Variants in TNRC6C observed in about 807,000 individuals in gnomAD.
TNRC6C encodes trinucleotide repeat-containing gene 6C protein.
In TNRC6C, 20 loss-of-function variants were observed where a neutral mutation model predicts 153.7. The ratio of observed to expected loss-of-function variants is 0.13; its 90% CI spans 0.09 to 0.19. TNRC6C has a LOEUF of 0.19. TNRC6C is among the 10% of genes least tolerant of loss of function. TNRC6C has a pLI of 1.00. For synonymous variants in TNRC6C, 811 were observed against 841.4 expected (o/e 0.96, Z 0.63); for missense variants, 1,987 against 2,172.0 (o/e 0.91, Z 1.69).
At chr17:78,097,935 C>G in intron 16 of TNRC6C, 74 bp downstream of exon 19, 1 of 1,218,674 alleles carries the variant, frequency 8.2e-7, no homozygotes, top group Non-Finnish European at 1.1e-6. Flanking sequence ...CAGGCCCCAG[C>G]TTTTCCTATT....
At chr17:78,090,605 T>A (rs1400518167) in intron 13 of TNRC6C, among the ~76,000 whole-genome samples, 1 of 152,158 alleles carries the variant, frequency 6.6e-6, no homozygotes, top group East Asian at 1.9e-4. Context: ...CATCAGAAAC[T>A]CTTTACTTCA....
chr17:77,961,064 TTTA>T (rs1483531173), intron 1 of TNRC6C, among the ~76,000 whole-genome samples: 1 of 152,140 alleles, frequency 6.6e-6, no homozygotes, highest in Non-Finnish European at 1.5e-5. Flanking sequence ...CACACTCGTT[TTTA>T]TTATAAGGAT....
chr17:77,980,027 A>G (rs2071052312), intron 1 of TNRC6C, among the ~76,000 whole-genome samples: 1 of 149,596 alleles, frequency 6.7e-6, no homozygotes. Context: ...AAAAATTAGA[A>G]TTCATCACCA....
At chr17:78,038,319 G>A (rs1396499428) in intron 2 of TNRC6C, among the ~76,000 whole-genome samples, 1 of 152,134 alleles carries the variant, frequency 6.6e-6, no homozygotes, top group Non-Finnish European at 1.5e-5. Context: ...AGAAGAATGG[G>A]CAAAGAATGT....
chr17:78,104,923 G>A lies in TNRC6C; in HGVS notation c.*78G>A. 1 of 1,358,672 alleles carries A rather than the reference G, an allele frequency of 7.4e-7. No individual in the cohort carries two copies. The highest frequency in any genetic ancestry group is 1.8e-5 in the South Asian group (1 of 55,622). The allele number at this position is 1,358,672 out of a possible 1,614,324, so 84.2% of individuals were successfully genotyped here. On this transcript the variant is annotated 3_prime_UTR_variant, in exon 20 of 20. Transcript: ENST00000301624. The surrounding 1 kb of genome is among the most constrained non-coding windows in gnomAD (Gnocchi z 6.2). The stretch of plus-strand genomic sequence containing the variant: ...GCTGGGCGGCCCCACAGACCCGCTG[G>A]AACCCAGCAGCGGCCGCCCTTTTGA...
chr17:77,977,697 T>G (rs1456991096), intron 1 of TNRC6C, among the ~76,000 whole-genome samples: 1 of 152,142 alleles, frequency 6.6e-6, no homozygotes, highest in African/African-American at 2.4e-5. Flanking sequence ...ATATTTACTA[T>G]GTAAATTGCC....
At chr17:78,071,459 C>T (rs1334665550) in intron 6 of TNRC6C, among the ~76,000 whole-genome samples, 3 of 152,074 alleles carry the variant, frequency 2.0e-5, no homozygotes, top group African/African-American at 7.2e-5. Context: ...GCTCTGGCAC[C>T]TAGGCTGCAG....
chr17:78,029,127 G>T (rs911041866), intron 1 of TNRC6C, among the ~76,000 whole-genome samples: 1 of 152,026 alleles, frequency 6.6e-6, no homozygotes, highest in African/African-American at 2.4e-5. Context: ...TTCATTATTC[G>T]CACAGTAGGC....
intron 1 of TNRC6C, among the ~76,000 whole-genome samples, chr17:78,029,919 G>A (rs982969004): frequency 6.6e-6 from 1 of 151,870 alleles, no homozygotes; most frequent in African/African-American, 2.4e-5. Context: ...AAGATAACAT[G>A]CATGGAGGTT....
rs759578064 is a variant in TNRC6C, at chr17:78,049,660, A to T, written c.598A>T (p.Met200Leu). ...CTCTTCACCCAACCCTATCAATGCA[A>T]TGCAGACAAATGGACTGCCAAACTG... is the stretch of plus-strand genomic sequence containing the variant. The change falls in exon 3 of 20, where the codon ATG (methionine) becomes TTG (leucine). Residue 200 changes from methionine to leucine, a missense_variant. Transcript: ENST00000301624. This position sits in a 1 kb window ranked among gnomAD's most constrained non-coding sequence, Gnocchi z 4.1. 1.2e-6 allele frequency: 2 copies of T among 1,613,298 alleles called. No individual in the cohort carries two copies. Among genetic ancestry groups the T allele is most frequent in the South Asian group, 2.2e-5 (2 of 91,052 alleles).
upstream of TNRC6C, among the ~76,000 whole-genome samples, chr17:78,001,183 C>T (rs182807942): frequency 6.6e-6 from 1 of 152,234 alleles, no homozygotes; most frequent in East Asian, 1.9e-4. Flanking sequence ...AAAGGGAAAA[C>T]CCAAGTTATT....
chr17:78,088,009 G>A (rs544538980), intron 13 of TNRC6C, among the ~76,000 whole-genome samples: 63 of 152,352 alleles, frequency 4.1e-4, no homozygotes, highest in Non-Finnish European at 6.0e-4. Context: ...GTAGATACAG[G>A]ACAAAGGGTT....
chr17:78,056,825 G>A (rs180796330), intron 3 of TNRC6C, among the ~76,000 whole-genome samples: 1 of 135,100 alleles, frequency 7.4e-6, no homozygotes, highest in East Asian at 2.4e-4. Context: ...GCTGAGAAAG[G>A]CATTCTTGTT....
chr17:78,103,306 A>G, intron 18 of TNRC6C, 108 bp from the exon 22 acceptor site: 1 of 1,325,722 alleles, frequency 7.5e-7, no homozygotes, highest in South Asian at 1.5e-5. Context: ...TTAAAGAAAA[A>G]CATTCCTAGT....
intron 5 of TNRC6C, among the ~76,000 whole-genome samples, chr17:78,070,132 G>C (rs969365018): frequency 1.3e-5 from 2 of 152,168 alleles, no homozygotes; most frequent in African/African-American, 4.8e-5. Flanking sequence ...ATGAGGAGTA[G>C]AAGTGATTAC....
At chr17:78,105,062 G>T (rs1028375830) in exon 20 of TNRC6C, 7 of 447,630 alleles carry the variant, frequency 1.6e-5, no homozygotes, top group Non-Finnish European at 2.2e-5. Context: ...GATGTTCCTC[G>T]TAGCTTTTTA....
intron 1 of TNRC6C, among the ~76,000 whole-genome samples, chr17:77,997,658 T>TC (rs1567906606): frequency 1.3e-5 from 2 of 152,002 alleles, no homozygotes; most frequent in African/African-American, 4.8e-5. Flanking sequence ...AACGTTGTTT[T>TC]TTTTTTTTAT....
At chr17:77,961,186 G>A (rs1227458768) in intron 1 of TNRC6C, among the ~76,000 whole-genome samples, 3 of 142,320 alleles carry the variant, frequency 2.1e-5, no homozygotes, top group Non-Finnish European at 3.0e-5. Flanking sequence ...AGACAGTTTC[G>A]TTCTTGTTGC....
At chr17:77,986,848 CA>C (rs987947891) in intron 1 of TNRC6C, among the ~76,000 whole-genome samples, 5 of 152,122 alleles carry the variant, frequency 3.3e-5, no homozygotes, top group African/African-American at 1.2e-4. Context: ...AAATGACTCC[CA>C]GGCACTGTTA....
Sources: gnomAD v4.1 joint callset for allele counts (sites outside exome capture counted in the v4.1 genomes callset) on GRCh38, gnomAD v4.1.1 for gene constraint, Gnocchi (gnomAD v3.1) non-coding constraint, MANE v1.5 for transcripts, NCBI Gene and HGNC (gene_info 2026-07-23, HGNC 2026-07-21) for gene names.